CSMD1: variants seen among roughly 807,000 people sequenced by gnomAD.
CSMD1 encodes CUB and sushi domain-containing protein 1.
A neutral mutation model predicts 417.5 loss-of-function variants in CSMD1; 213 were observed. The ratio of observed to expected loss-of-function variants is 0.51; its 90% CI spans 0.46 to 0.57. The LOEUF (loss-of-function observed/expected upper bound fraction) is 0.57, where lower values mean the gene tolerates loss of function less well. CSMD1 is among the 20% of genes least tolerant of loss of function. CSMD1 has a pLI of 0.00. For missense variants in CSMD1, 6,923 were observed against 4,529.7 expected (o/e 1.53, Z -15.17); for synonymous variants, 2,862 against 1,736.8 (o/e 1.65, Z -16.11).
intron 1 of CSMD1, among the ~76,000 whole-genome samples, chr8:4,836,089 A>C (rs1800460932): frequency 1.3e-5 from 2 of 152,172 alleles, no homozygotes; most frequent in Non-Finnish European, 2.9e-5. Flanking sequence ...CAAGTAATGC[A>C]AGAAAAGATC....
intron 2 of CSMD1, among the ~76,000 whole-genome samples, chr8:4,585,244 C>G (rs1291506973): frequency 6.6e-6 from 1 of 152,068 alleles, no homozygotes; most frequent in Non-Finnish European, 1.5e-5. Context: ...CTGCCATCTA[C>G]AAAGACTGGA....
chr8:4,943,786 T>G (rs1165131255), intron 1 of CSMD1, among the ~76,000 whole-genome samples: 4 of 152,122 alleles, frequency 2.6e-5, no homozygotes, highest in Admixed American at 6.5e-5. Context: ...AAATTGCATG[T>G]TAGAAAAAAT....
At chr8:4,951,146 C>T (rs1428361045) in intron 1 of CSMD1, among the ~76,000 whole-genome samples, 2 of 152,012 alleles carry the variant, frequency 1.3e-5, no homozygotes, top group Non-Finnish European at 2.9e-5. Context: ...TGGACTGTCC[C>T]CTTGTTTCTG....
intron 11 of CSMD1, among the ~76,000 whole-genome samples, chr8:3,491,945 C>A (rs146647103): frequency 8.6e-4 from 131 of 152,290 alleles, no homozygotes; most frequent in African/African-American, 3.0e-3. Flanking sequence ...CGGAGGCTTG[C>A]TCACAGCCCA....
At chr8:4,967,053 G>A (rs112731693) in intron 1 of CSMD1, among the ~76,000 whole-genome samples, 1 of 152,100 alleles carries the variant, frequency 6.6e-6, no homozygotes, top group African/African-American at 2.4e-5. Flanking sequence ...TTCTCCAGTG[G>A]GTGAAGGCTA....
intron 2 of CSMD1, among the ~76,000 whole-genome samples, chr8:4,457,851 G>T (rs552081753): frequency 6.6e-6 from 1 of 152,152 alleles, no homozygotes; most frequent in South Asian, 2.1e-4. Flanking sequence ...GACTTCCGAG[G>T]CTTGGCACCT....
intron 22 of CSMD1, among the ~76,000 whole-genome samples, chr8:3,345,169 C>T (rs972293399): frequency 6.6e-6 from 1 of 152,194 alleles, no homozygotes; most frequent in Admixed American, 6.5e-5. Context: ...TCCTGACACA[C>T]TGTAGGTTCA....
chr8:4,279,855 A>G (rs914300321), intron 3 of CSMD1, among the ~76,000 whole-genome samples: 1 of 152,112 alleles, frequency 6.6e-6, no homozygotes, highest in Admixed American at 6.5e-5. Context: ...GCTCACTGTC[A>G]GTAAAAATGA....
intron 11 of CSMD1, among the ~76,000 whole-genome samples, chr8:3,477,403 G>A (rs77031017): frequency 3.9e-5 from 6 of 152,172 alleles, no homozygotes; most frequent in Non-Finnish European, 7.4e-5. Flanking sequence ...GGCATAAATT[G>A]TTCAGAATGT....
chr8:4,390,277 G>C (rs1803752458), intron 3 of CSMD1, among the ~76,000 whole-genome samples: 1 of 152,158 alleles, frequency 6.6e-6, no homozygotes, highest in African/African-American at 2.4e-5. Context: ...TTTTAAAACT[G>C]TCACGAGGAG....
chr8:4,312,828 C>T (rs1035460050), intron 3 of CSMD1, among the ~76,000 whole-genome samples: 4 of 152,020 alleles, frequency 2.6e-5, no homozygotes, highest in African/African-American at 7.3e-5. Context: ...TAGCTGAGAT[C>T]GCGCCAGGCA....
At chr8:4,471,042 A>C (rs1012417842) in intron 2 of CSMD1, among the ~76,000 whole-genome samples, 3 of 152,160 alleles carry the variant, frequency 2.0e-5, no homozygotes, top group Non-Finnish European at 4.4e-5. Flanking sequence ...TGAACTTGCA[A>C]GGTCTAATTT....
At chr8:3,019,862 C>G (rs1345307894) in intron 51 of CSMD1, among the ~76,000 whole-genome samples, 1 of 152,212 alleles carries the variant, frequency 6.6e-6, no homozygotes, top group Admixed American at 6.5e-5. Context: ...ACAAGGTTAT[C>G]CAGCCCAACC....
chr8:2,964,658 C>T (rs769698638), intron 59 of CSMD1, among the ~76,000 whole-genome samples: 3 of 152,188 alleles, frequency 2.0e-5, no homozygotes, highest in African/African-American at 4.8e-5. Flanking sequence ...GCCGACACAA[C>T]GTAGTGCATT....
intron 5 of CSMD1, among the ~76,000 whole-genome samples, chr8:3,798,800 T>C (rs1800302895): frequency 6.6e-6 from 1 of 152,064 alleles, no homozygotes; most frequent in South Asian, 2.1e-4. Flanking sequence ...GGGACATCTG[T>C]TTATAAATTC....
intron 50 of CSMD1, among the ~76,000 whole-genome samples, chr8:3,039,696 G>A (rs1306560448): frequency 6.6e-6 from 1 of 152,126 alleles, no homozygotes; most frequent in African/African-American, 2.4e-5. Context: ...TGTGGGTTCA[G>A]AAAGGCATTT....
chr8:4,103,311 C>A (rs186507070), intron 3 of CSMD1, among the ~76,000 whole-genome samples: 2 of 151,012 alleles, frequency 1.3e-5, no homozygotes, highest in Admixed American at 6.6e-5. Flanking sequence ...CATATACACA[C>A]AGTGATCATC....
intron 2 of CSMD1, among the ~76,000 whole-genome samples, chr8:4,534,001 G>C (rs1408409564): frequency 6.6e-6 from 1 of 151,114 alleles, no homozygotes; most frequent in African/African-American, 2.4e-5. Flanking sequence ...TCAGTCTATA[G>C]GTATAACATT....
At chr8:3,465,006 A>G (rs1499686) in intron 12 of CSMD1, among the ~76,000 whole-genome samples, 32,193 of 152,094 alleles carry the variant, frequency 0.21, 3,748 homozygotes, top group East Asian at 0.38. Flanking sequence ...TATAGATAAT[A>G]CACATGCTCA....
Sources: gnomAD v4.1 joint callset for allele counts (sites outside exome capture counted in the v4.1 genomes callset) on GRCh38, gnomAD v4.1.1 for gene constraint, MANE v1.5 for transcripts, NCBI Gene and HGNC (gene_info 2026-07-23, HGNC 2026-07-21) for gene names.